Variants in ZNF705B observed in about 807,000 individuals in gnomAD.
The protein encoded by ZNF705B is zinc finger protein 705B.
ZNF705B carries 1 observed loss-of-function variant against 10.5 expected under a neutral mutation model. That is an observed-to-expected ratio of 0.10 (90% CI 0.03 to 0.45). The LOEUF is 0.45. Ranked by LOEUF, ZNF705B falls within the 20% of genes least tolerant of loss-of-function variation. ZNF705B has a pLI of 0.97. For missense variants in ZNF705B, 14 were observed against 84.0 expected (o/e 0.17, Z 3.26); for synonymous variants, 4 against 25.4 (o/e 0.16, Z 2.53).
At chr8:7,936,363 T>A (rs565303410) in intron 2 of ZNF705B, among the ~76,000 whole-genome samples, 1 of 119,160 alleles carries the variant, frequency 8.4e-6, no homozygotes, top group Non-Finnish European at 2.0e-5. Flanking sequence ...CCCAGTAATC[T>A]CACTACTGGG....
At chr8:7,929,750 C>T (rs1279650376) in intron 1 of ZNF705B, among the ~76,000 whole-genome samples, 1 of 113,762 alleles carries the variant, frequency 8.8e-6, no homozygotes, top group Non-Finnish European at 2.1e-5. Context: ...GAGTCATTTG[C>T]TCTTGAGAAG....
chr8:7,936,661 G>A (rs1000081281), intron 2 of ZNF705B, among the ~76,000 whole-genome samples: 2 of 118,472 alleles, frequency 1.7e-5, no homozygotes, highest in Non-Finnish European at 4.0e-5. Context: ...ATAAGGGGGA[G>A]CCGAGCAATG....
At chr8:7,937,351 C>T (rs1293215367) in intron 2 of ZNF705B, among the ~76,000 whole-genome samples, 2 of 108,508 alleles carry the variant, frequency 1.8e-5, no homozygotes, top group African/African-American at 5.4e-5. Flanking sequence ...CATTAGGGTG[C>T]ATTCTTTAGC....
intron 2 of ZNF705B, among the ~76,000 whole-genome samples, chr8:7,940,953 T>C (rs1217750030): frequency 6.7e-6 from 1 of 148,668 alleles, no homozygotes; most frequent in Non-Finnish European, 1.5e-5. Flanking sequence ...GGTTTTCTGT[T>C]CGTGGGTTAG....
In ZNF705B at chr8:7,930,055, T is replaced by TGTG. The variant is rs1360356419; in HGVS notation, c.-221-226_-221-224dup. ...TTTGTTACATGGGAATATGGTATTA[T>TGTG]GTGGTGGTTTGGAGTATGGATCTCA... On this transcript the variant is annotated intron_variant, in intron 1 of 6. Transcript: ENST00000400120. Among the ~76,000 whole-genome samples the TGTG allele has an allele frequency of 7.5e-3, 789 of 105,422 alleles. 6 individuals carry two copies. The highest frequency in any genetic ancestry group is 0.021 in the African/African-American group (753 of 36,398). 69.2% of individuals were successfully genotyped at this position (105,422 alleles called of 152,430 possible). A position where few individuals can be genotyped will look rare whatever the true frequency, so the allele number is the denominator to read the frequency against.
chr8:7,940,714 T>C (rs1275132445), intron 2 of ZNF705B, among the ~76,000 whole-genome samples: 25 of 147,276 alleles, frequency 1.7e-4, no homozygotes, highest in Non-Finnish European at 3.5e-4. Context: ...GGTTGGCCTA[T>C]TTCATATAAC....
chr8:7,929,812 G>A (rs1263401728), intron 1 of ZNF705B, among the ~76,000 whole-genome samples: 1 of 92,804 alleles, frequency 1.1e-5, no homozygotes. Context: ...GCATTTGCAG[G>A]TAGCTCAGCA....
At chr8:7,935,817 C>T (rs1209715550) in intron 2 of ZNF705B, among the ~76,000 whole-genome samples, 1 of 91,098 alleles carries the variant, frequency 1.1e-5, no homozygotes, top group Non-Finnish European at 2.9e-5. Flanking sequence ...TTTTTGATCC[C>T]TGAGCTTTCC....
chr8:7,936,778 T>C (rs3959001), intron 2 of ZNF705B, among the ~76,000 whole-genome samples: 79 of 120,376 alleles, frequency 6.6e-4, no homozygotes, highest in African/African-American at 1.7e-3. Flanking sequence ...ACCCTACCTG[T>C]GTGACAGAGT....
Position 7,951,330 on chromosome 8 carries a change from TAAAC to T in ZNF705B, c.319-473_319-470del, listed in dbSNP as rs1820315741. Among the ~76,000 whole-genome samples, 2 of 85,164 alleles carry T rather than the reference TAAAC, an allele frequency of 2.3e-5. 1 individual carries two copies. The highest frequency in any genetic ancestry group is 9.0e-4 in the South Asian group (2 of 2,214). The allele number at this position is 85,164 out of a possible 152,430, so 55.9% of individuals were successfully genotyped here. A position where few individuals can be genotyped will look rare whatever the true frequency, so the allele number is the denominator to read the frequency against. On this transcript the variant is annotated intron_variant, in intron 6 of 6. Coordinates refer to ENST00000400120, the MANE Select transcript of ZNF705B (RefSeq NM_001193630.1). ...CTGGATTTTTTTACATAACATGACA[TAAAC>T]AAATGAGGCAGAGGAATAATGCAGG...
chr8:7,930,517 G>A (rs1254882801), intron 2 of ZNF705B, 81 bp downstream of exon 2: 2 of 79,580 alleles, frequency 2.5e-5, no homozygotes, highest in African/African-American at 6.6e-5. Context: ...ATCAGCCAAG[G>A]AAGCACTGAA....
In ZNF705B at chr8:7,930,837, A is replaced by AT. The variant is rs1273091582; in HGVS notation, c.-72+409dup. ...CATCACGGCAAAGATGTGTTGTGTT[A>AT]TTTTTTTTGTTTTTTTTTTTGTTGT... On this transcript the variant is annotated intron_variant, in intron 2 of 6. Coordinates refer to ENST00000400120, the MANE Select transcript of ZNF705B (RefSeq NM_001193630.1). 5.7e-3 allele frequency among the ~76,000 whole-genome samples: 393 copies of AT among 69,490 alleles called. 5 individuals carry two copies. The highest frequency in any genetic ancestry group is 0.013 in the African/African-American group (367 of 27,266). The allele number at this position is 69,490 out of a possible 152,430, so 45.6% of individuals were successfully genotyped here.
At chr8:7,941,043 T>C (rs866644869) in intron 2 of ZNF705B, among the ~76,000 whole-genome samples, 1,498 of 147,302 alleles carry the variant, frequency 0.01, 5 homozygotes, top group African/African-American at 0.035. Flanking sequence ...GGCTGCATAG[T>C]ATTCCATGGT....
intron 2 of ZNF705B, among the ~76,000 whole-genome samples, chr8:7,930,902 G>A (rs1186334123): frequency 7.7e-6 from 1 of 130,192 alleles, no homozygotes; most frequent in Non-Finnish European, 1.8e-5. Flanking sequence ...TGTAGGCCAG[G>A]CTGCAGTGCA....
intron 2 of ZNF705B, among the ~76,000 whole-genome samples, chr8:7,935,909 T>G (rs1444685405): frequency 7.7e-5 from 7 of 91,380 alleles, no homozygotes; most frequent in African/African-American, 1.7e-4. Flanking sequence ...AAATTGGCCC[T>G]TTGCAGCTGG....
At chr8:7,929,527 A>G (rs1399035067) in intron 1 of ZNF705B, among the ~76,000 whole-genome samples, 4 of 122,140 alleles carry the variant, frequency 3.3e-5, no homozygotes, top group South Asian at 2.7e-4. Flanking sequence ...AAAATCCACC[A>G]GAAAATGCAA....
In ZNF705B at chr8:7,929,172, C is replaced by G. The variant is rs867869590; in HGVS notation, c.-221-1115C>G. Reference sequence around the variant, plus strand: ...TATCTTGAAATAAGGTAATGTCAGTCGTATTAAATATTGGTTAATTTAATC... The same window carrying G: ...TATCTTGAAATAAGGTAATGTCAGTGGTATTAAATATTGGTTAATTTAATC... On this transcript the variant is annotated intron_variant, in intron 1 of 6. Coordinates refer to ENST00000400120, the MANE Select transcript of ZNF705B (RefSeq NM_001193630.1). Among the ~76,000 whole-genome samples the G allele has an allele frequency of 2.2e-4, 26 of 120,838 alleles. 7 individuals carry two copies. The highest frequency in any genetic ancestry group is 1.4e-3 in the East Asian group (6 of 4,244). The allele number at this position is 120,838 out of a possible 152,430, so 79.3% of individuals were successfully genotyped here. A position where few individuals can be genotyped will look rare whatever the true frequency, so the allele number is the denominator to read the frequency against.
chr8:7,928,021 T>C (rs1358356071), intron 1 of ZNF705B, among the ~76,000 whole-genome samples: 1 of 132,890 alleles, frequency 7.5e-6, no homozygotes, highest in African/African-American at 2.5e-5. Context: ...AAAAGTAATA[T>C]AAACAGGGTG....
intron 2 of ZNF705B, among the ~76,000 whole-genome samples, chr8:7,940,454 A>C (rs531909927): frequency 7.3e-5 from 9 of 123,390 alleles, no homozygotes; most frequent in African/African-American, 2.5e-4. Context: ...TATTGGTAAG[A>C]ATACAAAATC....
Sources: gnomAD v4.1 joint callset for allele counts (sites outside exome capture counted in the v4.1 genomes callset) on GRCh38, gnomAD v4.1.1 for gene constraint, MANE v1.5 for transcripts, NCBI Gene and HGNC (gene_info 2026-07-23, HGNC 2026-07-21) for gene names.